PLCG2: variants seen among roughly 807,000 people sequenced by gnomAD.
The protein encoded by PLCG2 is 1-phosphatidylinositol 4,5-bisphosphate phosphodiesterase gamma-2.
Under a neutral mutation model 175.6 loss-of-function variants are expected in PLCG2, and 69 were observed. That is an observed-to-expected ratio of 0.39 (90% confidence interval 0.32 to 0.48). The LOEUF (loss-of-function observed/expected upper bound fraction) is 0.48. Among genes scored for constraint, PLCG2 ranks in the 20% least tolerant of loss-of-function variants. The pLI is 0.91. For synonymous variants in PLCG2, 827 were observed against 624.0 expected, an observed-to-expected ratio of 1.33 and a Z score of -4.85; for missense variants, 1,798 against 1,650.9, an observed-to-expected ratio of 1.09 and a Z score of -1.54.
intron 2 of PLCG2, among the ~76,000 whole-genome samples, chr16:81,836,462 C>T (rs573362074): frequency 2.3e-4 from 35 of 152,196 alleles, no homozygotes; most frequent in Admixed American, 1.8e-3. Flanking sequence ...AGCTTTGGGC[C>T]GGGCAAGGTG....
chr16:81,961,162 A>C lies in PLCG2; in HGVS notation c.*3164A>C, dbSNP rs1333240861. ...TAGATTTCTGAGTCTCTTAGCATGT[A>C]ACTACAAAGGGGTTGGAAGAATTCA... On this transcript the variant is annotated 3_prime_UTR_variant, in exon 33 of 33. Coordinates refer to ENST00000564138, the MANE Select transcript of PLCG2 (RefSeq NM_002661.5). 1 of 229,922 alleles carries C rather than the reference A, an allele frequency of 4.3e-6. No homozygotes were observed. Among genetic ancestry groups the C allele is most frequent in the Admixed American group, 5.7e-5 (1 of 17,676 alleles). The allele number at this position is 229,922 out of a possible 1,614,324, so 14.2% of individuals were successfully genotyped here.
intron 6 of PLCG2, among the ~76,000 whole-genome samples, chr16:81,870,353 A>G (rs909003186): frequency 2.6e-5 from 4 of 152,242 alleles, no homozygotes; most frequent in African/African-American, 9.6e-5. Flanking sequence ...CCAAAGCCAT[A>G]AAGCAATTAA....
intron 7 of PLCG2, among the ~76,000 whole-genome samples, chr16:81,876,246 C>T (rs574404527): frequency 6.6e-6 from 1 of 152,170 alleles, no homozygotes; most frequent in East Asian, 1.9e-4. Flanking sequence ...TAGGCTTGAA[C>T]TCCTGGGCTC....
Position 81,934,444 on chromosome 16 carries a change from T to C in PLCG2, c.2755T>C (p.Tyr919His). 1 of 1,611,144 alleles carries C rather than the reference T, an allele frequency of 6.2e-7. No individual in the cohort carries two copies. The highest frequency in any genetic ancestry group is 8.5e-7 in the Non-Finnish European group (1 of 1,177,642). The change falls in exon 26 of 33, where the codon TAC (tyrosine) becomes CAC (histidine). Residue 919 changes from tyrosine (Y) to histidine (H), a missense_variant. By Grantham distance (83) the Tyr-to-His change is moderately conservative (BLOSUM62 2). Transcript: ENST00000564138. ...KIDTKENNMK[Y>H]WEKNQSIAIE... The stretch of plus-strand genomic sequence containing the variant: ...CTCCAAACAGGAGAACAACATGAAG[T>C]ACTGGGAGAAGAACCAGTCCATCGC...
At chr16:81,767,893 G>C (rs140148587) in intron 2 of PLCG2, 1 of 152,154 alleles carries the variant, frequency 6.6e-6, no homozygotes, top group East Asian at 1.9e-4. Flanking sequence ...TTTGGGGGGA[G>C]TCGGTGAGGG....
At chr16:81,868,261 C>T (rs1405764075) in intron 5 of PLCG2, among the ~76,000 whole-genome samples, 1 of 152,184 alleles carries the variant, frequency 6.6e-6, no homozygotes, top group African/African-American at 2.4e-5. Flanking sequence ...CCAGGGCAGC[C>T]TGGCACACAG....
chr16:81,957,367 A>ATTAACC (rs1464279359), intron 32 of PLCG2, among the ~76,000 whole-genome samples: 1 of 152,214 alleles, frequency 6.6e-6, no homozygotes, highest in African/African-American at 2.4e-5. Context: ...TGTTCTAGAA[A>ATTAACC]TTAACCTACA....
At chr16:81,741,924 A>G (rs1021132331) in intron 1 of PLCG2, among the ~76,000 whole-genome samples, 19 of 152,324 alleles carry the variant, frequency 1.2e-4, no homozygotes, top group East Asian at 7.7e-4. Flanking sequence ...AAAATATACA[A>G]TAAGCCATAG....
Position 81,958,200 on chromosome 16 carries a change from C to G in PLCG2, c.*202C>G, listed in dbSNP as rs570589716. 1.7e-6 allele frequency: 1 copy of G among 589,366 alleles called. No individual in the cohort carries two copies. Among genetic ancestry groups the G allele is most frequent in the African/African-American group, 1.9e-5 (1 of 53,634 alleles). 36.5% of individuals were successfully genotyped at this position (589,366 alleles called of 1,614,324 possible). A position where few individuals can be genotyped will look rare whatever the true frequency, so the allele number is the denominator to read the frequency against. ...TTTTCATCTTGGACAACTTTCTTAA[C>G]TTATATTCTTTATAGAGGATTCCCC... On this transcript the variant is annotated 3_prime_UTR_variant, in exon 33 of 33. Transcript: ENST00000564138.
intron 7 of PLCG2, among the ~76,000 whole-genome samples, chr16:81,876,745 G>A (rs1328883000): frequency 6.6e-6 from 1 of 152,234 alleles, no homozygotes; most frequent in Admixed American, 6.5e-5. Flanking sequence ...ATGTTGCCCA[G>A]AGTGACATAA....
intron 1 of PLCG2, chr16:81,785,610 T>C (rs1055092103): frequency 5.8e-6 from 1 of 173,008 alleles, no homozygotes; most frequent in Non-Finnish European, 1.2e-5. Flanking sequence ...GGAGCCAGGC[T>C]GGGCTGCTTT....
upstream of PLCG2, among the ~76,000 whole-genome samples, chr16:81,776,082 T>G (rs199527626): frequency 0.23 from 2,597 of 11,154 alleles, 235 homozygotes; most frequent in East Asian, 0.48. Context: ...TTTCTCTCTC[T>G]CTCTCTCTTT....
chr16:81,899,202 ATAAAT>A (rs1909030627), intron 13 of PLCG2, among the ~76,000 whole-genome samples: 1 of 151,878 alleles, frequency 6.6e-6, no homozygotes, highest in Middle Eastern at 3.2e-3. Context: ...AGAAAAATAA[ATAAAT>A]AAAATAAAAT....
chr16:81,926,488 T>A (rs139381037), intron 22 of PLCG2, among the ~76,000 whole-genome samples: 2 of 152,342 alleles, frequency 1.3e-5, no homozygotes, highest in African/African-American at 4.8e-5. Context: ...TTAGTGTTGT[T>A]ATAAAGATAG....
chr16:81,857,402 T>C (rs543603607), intron 3 of PLCG2, among the ~76,000 whole-genome samples: 1 of 152,340 alleles, frequency 6.6e-6, no homozygotes, highest in South Asian at 2.1e-4. Context: ...ATCCTGTATC[T>C]TCCACTGTCT....
intron 2 of PLCG2, among the ~76,000 whole-genome samples, chr16:81,796,777 G>A (rs1443301206): frequency 6.6e-6 from 1 of 152,122 alleles, no homozygotes; most frequent in Non-Finnish European, 1.5e-5. Flanking sequence ...GAACACCAGG[G>A]GTGCTCCCTC....
chr16:81,839,753 A>G (rs1428366638), intron 2 of PLCG2, among the ~76,000 whole-genome samples: 1 of 152,226 alleles, frequency 6.6e-6, no homozygotes, highest in Non-Finnish European at 1.5e-5. Context: ...AATGGCACCA[A>G]AATGATGAAC....
intron 7 of PLCG2, among the ~76,000 whole-genome samples, chr16:81,873,801 T>G (rs907599943): frequency 6.6e-6 from 1 of 152,172 alleles, no homozygotes; most frequent in Admixed American, 6.5e-5. Flanking sequence ...AAAAGAAGAT[T>G]TGCACAAAAG....
rs1210834985 is a variant in PLCG2, at chr16:81,959,059, G to A, written c.*1061G>A. The A allele has an allele frequency of 9.0e-6, 2 of 223,090 alleles. No homozygotes were observed. Among genetic ancestry groups the A allele is most frequent in the Non-Finnish European group, 1.8e-5 (2 of 111,738 alleles). The allele number at this position is 223,090 out of a possible 1,614,324, so 13.8% of individuals were successfully genotyped here. A position where few individuals can be genotyped will look rare whatever the true frequency, so the allele number is the denominator to read the frequency against. On this transcript the variant is annotated 3_prime_UTR_variant, in exon 33 of 33. Coordinates refer to ENST00000564138, the MANE Select transcript of PLCG2 (RefSeq NM_002661.5). ...AGGGCTTTACACCTCTGCATCTTAA[G>A]TTGTTAATACATACCAATAATGTAA...
Sources: allele counts gnomAD v4.1 joint callset (sites outside exome capture counted in the v4.1 genomes callset), GRCh38; gene constraint gnomAD v4.1.1; transcripts MANE v1.5; gene names NCBI Gene and HGNC (gene_info 2026-07-23, HGNC 2026-07-21).